Variants in RARB observed in about 807,000 individuals in gnomAD.
The protein encoded by RARB is HBV-activated protein.
Under a neutral mutation model 51.9 loss-of-function variants are expected in RARB, and 17 were observed. The observed-to-expected ratio is 0.33, with a 90% CI of 0.22 to 0.49. The LOEUF (loss-of-function observed/expected upper bound fraction) is 0.49. Ranked by LOEUF, RARB falls within the 20% of genes least tolerant of loss-of-function variation. The pLI is 0.99. For missense variants in RARB, 369 were observed against 550.8 expected, an observed-to-expected ratio of 0.67 and a Z score of 3.30; for synonymous variants, 215 against 195.4, an observed-to-expected ratio of 1.10 and a Z score of -0.84.
intron 5 of RARB, among the ~76,000 whole-genome samples, chr3:25,241,490 C>T (rs757412867): frequency 6.6e-6 from 1 of 152,050 alleles, no homozygotes. Flanking sequence ...CGGACAGGCC[C>T]GGGTGTGATG....
At chr3:25,161,949 AG>A (rs1177553151) in intron 4 of RARB, among the ~76,000 whole-genome samples, 2 of 152,124 alleles carry the variant, frequency 1.3e-5, no homozygotes, top group African/African-American at 4.8e-5. Flanking sequence ...CCCTGTGCCC[AG>A]GGTACAGAGA....
chr3:25,127,065 C>T (rs912932662), intron 3 of RARB, among the ~76,000 whole-genome samples: 11 of 152,264 alleles, frequency 7.2e-5, no homozygotes, highest in African/African-American at 2.2e-4. Flanking sequence ...CATCATCTTT[C>T]GCCTGCATCA....
chr3:24,886,447 CTTT>C (rs35659222), intron 2 of RARB, among the ~76,000 whole-genome samples: 2 of 144,030 alleles, frequency 1.4e-5, no homozygotes, highest in African/African-American at 5.1e-5. Context: ...TGTAAACAAA[CTTT>C]TTTTTTTTTT....
intron 2 of RARB, among the ~76,000 whole-genome samples, chr3:25,490,551 C>G (rs541535826): frequency 6.6e-6 from 1 of 152,274 alleles, no homozygotes; most frequent in African/African-American, 2.4e-5. Flanking sequence ...TGTTTTGGCT[C>G]TCTCTCCTTC....
At chr3:24,948,471 C>G (rs1301677772) in intron 2 of RARB, among the ~76,000 whole-genome samples, 1 of 152,174 alleles carries the variant, frequency 6.6e-6, no homozygotes, top group Non-Finnish European at 1.5e-5. Context: ...TATCAAGTTC[C>G]TTTCTTTTAG....
intron 5 of RARB, among the ~76,000 whole-genome samples, chr3:25,378,750 G>T (rs1706540187): frequency 1.3e-5 from 2 of 152,170 alleles, no homozygotes; most frequent in Non-Finnish European, 2.9e-5. Context: ...GCTTCAGGAA[G>T]ACTCAGCTAA....
chr3:25,191,200 T>C (rs1041889696), intron 5 of RARB, among the ~76,000 whole-genome samples: 3 of 152,100 alleles, frequency 2.0e-5, no homozygotes, highest in African/African-American at 7.2e-5. Context: ...ATATTTCTTA[T>C]ATAGACTCTG....
intron 2 of RARB, among the ~76,000 whole-genome samples, chr3:24,913,862 C>T (rs377196001): frequency 1.1e-3 from 162 of 152,250 alleles, no homozygotes; most frequent in African/African-American, 3.5e-3. Context: ...AATAGTACTC[C>T]AGCACTTAGT....
intron 5 of RARB, among the ~76,000 whole-genome samples, chr3:25,583,388 T>C (rs1701260593): frequency 6.6e-6 from 1 of 152,172 alleles, no homozygotes; most frequent in Admixed American, 6.5e-5. Flanking sequence ...TCTCAGACCC[T>C]AGAAAGGAAA....
chr3:25,379,813 T>A (rs75797360), intron 5 of RARB, among the ~76,000 whole-genome samples: 1 of 152,182 alleles, frequency 6.6e-6, no homozygotes, highest in Admixed American at 6.5e-5. Context: ...TGAAGACTTT[T>A]TCTTTCTTAG....
chr3:25,065,587 C>A (rs182022520), intron 3 of RARB, among the ~76,000 whole-genome samples: 3 of 152,194 alleles, frequency 2.0e-5, no homozygotes, highest in Non-Finnish European at 2.9e-5. Flanking sequence ...GACCAAGATA[C>A]AGATACGATT....
chr3:25,584,298 TG>T, intron 5 of RARB, among the ~76,000 whole-genome samples: 1 of 151,868 alleles, frequency 6.6e-6, no homozygotes, highest in Non-Finnish European at 1.5e-5. Flanking sequence ...CTTCTCCTGG[TG>T]GGGGGACACA....
chr3:25,195,039 A>T (rs543048158), intron 5 of RARB, among the ~76,000 whole-genome samples: 1 of 152,154 alleles, frequency 6.6e-6, no homozygotes, highest in South Asian at 2.1e-4. Flanking sequence ...TTTAACAAAA[A>T]AGTTTCAAAT....
chr3:24,877,977 C>A (rs1230436857), intron 2 of RARB, among the ~76,000 whole-genome samples: 1 of 152,152 alleles, frequency 6.6e-6, no homozygotes, highest in African/African-American at 2.4e-5. Flanking sequence ...AATAGACAAT[C>A]ATCTCACCAA....
intron 2 of RARB, among the ~76,000 whole-genome samples, chr3:24,990,901 T>G (rs1455564834): frequency 2.0e-5 from 3 of 152,244 alleles, no homozygotes; most frequent in East Asian, 1.9e-4. Flanking sequence ...AAAGCAAAGT[T>G]TAAAATTTTG....
At position 25,428,338 on chromosome 3, in the gene RARB, C is replaced by T; in HGVS notation, c.-394C>T. On this transcript the variant is annotated 5_prime_UTR_variant, in exon 1 of 8. Transcript: ENST00000330688. ...TTTGCCAAAGGGGGGACCAGAATTC[C>T]CCCATGCGAGCTGTTTGAGGACTGG... is the stretch of plus-strand genomic sequence containing the variant. 8.0e-7 allele frequency: 1 copy of T among 1,246,668 alleles called. No individual in the cohort carries two copies. The highest frequency in any genetic ancestry group is 3.1e-5 in the East Asian group (1 of 32,472). The allele number at this position is 1,246,668 out of a possible 1,614,324, so 77.2% of individuals were successfully genotyped here. A position where few individuals can be genotyped will look rare whatever the true frequency, so the allele number is the denominator to read the frequency against.
At chr3:24,980,874 G>A (rs1302387970) in intron 2 of RARB, among the ~76,000 whole-genome samples, 2 of 152,176 alleles carry the variant, frequency 1.3e-5, no homozygotes, top group Admixed American at 6.5e-5. Flanking sequence ...CAGCCTTTCT[G>A]CTCTGGTTTC....
intron 2 of RARB, among the ~76,000 whole-genome samples, chr3:24,927,436 G>A (rs557105495): frequency 4.2e-4 from 64 of 152,094 alleles, no homozygotes; most frequent in Non-Finnish European, 7.7e-4. Context: ...GTTTCTGCAC[G>A]GCAATGGAAT....
chr3:25,089,075 T>G (rs1195516821), intron 3 of RARB, among the ~76,000 whole-genome samples: 1 of 152,054 alleles, frequency 6.6e-6, no homozygotes, highest in Non-Finnish European at 1.5e-5. Context: ...GTGCAGAGAT[T>G]GATACTAAGT....
Sources: allele counts gnomAD v4.1 joint callset (sites outside exome capture counted in the v4.1 genomes callset), GRCh38; gene constraint gnomAD v4.1.1; transcripts MANE v1.5; gene names NCBI Gene and HGNC (gene_info 2026-07-23, HGNC 2026-07-21).